Variants in RIGI observed in about 807,000 individuals in gnomAD.
RIGI encodes antiviral innate immune response receptor RIG-I.
At chr9:32,496,969 T>C in the RIGI span, among the ~76,000 whole-genome samples, 1 of 152,206 alleles carries the variant, frequency 6.6e-6, no homozygotes, top group Non-Finnish European at 1.5e-5. Context: ...TAATGTGTTT[T>C]GAAATTAGGA....
chr9:32,487,845 G>A, the RIGI span: 20 of 1,417,288 alleles, frequency 1.4e-5, no homozygotes, highest in Non-Finnish European at 1.7e-5. Context: ...TATGGACTTG[G>A]GACCTGAGAA....
At chr9:32,507,469 T>G in the RIGI span, among the ~76,000 whole-genome samples, 3 of 152,160 alleles carry the variant, frequency 2.0e-5, no homozygotes, top group African/African-American at 7.2e-5. Context: ...CCCATATTTC[T>G]TGACGTTTTC....
chr9:32,492,621 T>C, the RIGI span: 1 of 1,504,208 alleles, frequency 6.6e-7, no homozygotes. Context: ...ATGTCAGTCA[T>C]GTACTATCTG....
the RIGI span, among the ~76,000 whole-genome samples, chr9:32,510,287 T>C: frequency 6.6e-6 from 1 of 151,982 alleles, no homozygotes; most frequent in Non-Finnish European, 1.5e-5. Context: ...CACATAATCA[T>C]CAGATTCACC....
chr9:32,457,368 A>G, the RIGI span: 5 of 1,614,026 alleles, frequency 3.1e-6, no homozygotes, highest in Non-Finnish European at 3.4e-6. Flanking sequence ...GATGTGGTCT[A>G]CTCACAAAGC....
At chr9:32,466,178 T>G in the RIGI span, 1 of 1,121,218 alleles carries the variant, frequency 8.9e-7, no homozygotes, top group Admixed American at 2.4e-5. Context: ...AAGTATAAAC[T>G]TTTTGTTGTA....
the RIGI span, chr9:32,467,933 C>T: frequency 1.3e-6 from 2 of 1,582,174 alleles, no homozygotes; most frequent in Non-Finnish European, 1.7e-6. Context: ...AGGGTCATTC[C>T]TGTGTCAGAG....
chr9:32,499,979 T>A, the RIGI span, among the ~76,000 whole-genome samples: 1 of 152,240 alleles, frequency 6.6e-6, no homozygotes, highest in Non-Finnish European at 1.5e-5. Flanking sequence ...GAATAGCTCC[T>A]CCTTTCCCAG....
chr9:32,479,797 A>G, the RIGI span, among the ~76,000 whole-genome samples: 22 of 151,418 alleles, frequency 1.5e-4, no homozygotes, highest in African/African-American at 5.3e-4. Context: ...TGATTGAGCC[A>G]CTGCACTTGA....
the RIGI span, among the ~76,000 whole-genome samples, chr9:32,507,453 A>T: frequency 6.6e-6 from 1 of 152,134 alleles, no homozygotes; most frequent in African/African-American, 2.4e-5. Flanking sequence ...AAGATATCTT[A>T]TAATTCCCAT....
the RIGI span, among the ~76,000 whole-genome samples, chr9:32,480,829 T>C: frequency 2.0e-5 from 3 of 152,308 alleles, no homozygotes; most frequent in African/African-American, 7.2e-5. Flanking sequence ...TGCATGCTAA[T>C]TGAATGCATT....
At chr9:32,481,570 C>G in the RIGI span, 1 of 1,098,694 alleles carries the variant, frequency 9.1e-7, no homozygotes, top group South Asian at 1.6e-5. Flanking sequence ...ACAGGCCTCA[C>G]CCTCTAATTT....
At chr9:32,513,186 C>T in the RIGI span, among the ~76,000 whole-genome samples, 1 of 151,902 alleles carries the variant, frequency 6.6e-6, no homozygotes, top group African/African-American at 2.4e-5. Context: ...CATCAAGCTA[C>T]CAATGACTTT....
the RIGI span, among the ~76,000 whole-genome samples, chr9:32,524,009 C>T: frequency 6.6e-6 from 1 of 152,078 alleles, no homozygotes; most frequent in Admixed American, 6.5e-5. Context: ...TTTATTGTCT[C>T]CTTCCAGCTA....
chr9:32,476,220 A>G, the RIGI span, among the ~76,000 whole-genome samples: 7 of 152,352 alleles, frequency 4.6e-5, no homozygotes, highest in African/African-American at 1.7e-4. Flanking sequence ...AGTGACTAAC[A>G]TAGTGACAGC....
the RIGI span, among the ~76,000 whole-genome samples, chr9:32,506,804 T>C: frequency 6.6e-6 from 1 of 152,240 alleles, no homozygotes; most frequent in Non-Finnish European, 1.5e-5. Context: ...TTGCTTTCTT[T>C]GGAGTTAACT....
chr9:32,507,292 T>C, the RIGI span, among the ~76,000 whole-genome samples: 1 of 152,226 alleles, frequency 6.6e-6, no homozygotes, highest in Non-Finnish European at 1.5e-5. Context: ...GTAACTCATA[T>C]AGGATCACTT....
chr9:32,484,985 A>T, the RIGI span, among the ~76,000 whole-genome samples: 1 of 152,224 alleles, frequency 6.6e-6, no homozygotes, highest in Non-Finnish European at 1.5e-5. Flanking sequence ...TTGGATTTAA[A>T]AGGAAAAAAA....
At chr9:32,481,593 T>C in the RIGI span, 123 of 956,796 alleles carry the variant, frequency 1.3e-4, no homozygotes, top group African/African-American at 1.8e-3. Context: ...TTTTTCTTTT[T>C]TTTTTTCCTC....
Sources: allele counts gnomAD v4.1 joint callset (sites outside exome capture counted in the v4.1 genomes callset), GRCh38; gene constraint gnomAD v4.1.1; transcripts MANE v1.5; gene names NCBI Gene and HGNC (gene_info 2026-07-23, HGNC 2026-07-21).